The following RNF130 variants were observed in gnomAD, a reference collection of about 807,000 sequenced individuals.
RNF130 encodes the protein E3 ubiquitin-protein ligase RNF130.
RNF130 carries 21 observed loss-of-function variants against 44.6 expected under a neutral mutation model. The observed-to-expected ratio is 0.47, with a 90% confidence interval of 0.33 to 0.68. RNF130 has a LOEUF of 0.68. RNF130 is among the 30% of genes least tolerant of loss of function. RNF130 has a pLI of 0.02. For missense variants in RNF130, 479 were observed against 560.6 expected (o/e 0.85, Z 1.47); for synonymous variants, 214 against 210.4 (o/e 1.02, Z -0.15).
At chr5:180,067,898 T>G (rs1765143484) in intron 1 of RNF130, among the ~76,000 whole-genome samples, 1 of 152,214 alleles carries the variant, frequency 6.6e-6, no homozygotes, top group Admixed American at 6.5e-5. Flanking sequence ...AAAACCGATT[T>G]CAGATTCATT....
intron 3 of RNF130, among the ~76,000 whole-genome samples, chr5:180,003,266 T>C (rs248317): frequency 0.47 from 71,827 of 151,902 alleles, 18,114 homozygotes; most frequent in African/African-American, 0.67. Flanking sequence ...GGCTCGGTGA[T>C]GAGCCGTGTG....
At chr5:179,952,707 C>T (rs73342292), downstream of RNF130, among the ~76,000 whole-genome samples, 16 of 152,226 alleles carry the variant, frequency 1.1e-4, no homozygotes, top group African/African-American at 3.6e-4. Flanking sequence ...TGTAATGCAC[C>T]ACATTCATAG....
At chr5:179,965,213 A>G (rs1267556077) in intron 7 of RNF130, among the ~76,000 whole-genome samples, 1 of 152,320 alleles carries the variant, frequency 6.6e-6, no homozygotes, top group African/African-American at 2.4e-5. Context: ...ATATGCTGGC[A>G]GCATTTCCAC....
intron 3 of RNF130, among the ~76,000 whole-genome samples, chr5:180,005,798 T>C (rs1763452091): frequency 6.6e-6 from 1 of 152,228 alleles, no homozygotes; most frequent in African/African-American, 2.4e-5. Context: ...TGACTGCATC[T>C]GTCATTGCAA....
chr5:179,934,379 C>T (rs964394685), intron 7 of RNF130, among the ~76,000 whole-genome samples: 2 of 152,120 alleles, frequency 1.3e-5, no homozygotes, highest in South Asian at 2.1e-4. Flanking sequence ...TACTTCTTTG[C>T]ACCTTATGAT....
rs113842479 is a variant in RNF130 at position 180,016,908 on chromosome 5, C to T, written c.443-3597G>A. Among the ~76,000 whole-genome samples, 7 of 152,348 alleles carry T rather than the reference C, an allele frequency of 4.6e-5. 1 individual carries two copies. Among genetic ancestry groups the T allele is most frequent in the African/African-American group, 1.7e-4 (7 of 41,584 alleles). On this transcript the variant is annotated intron_variant, in intron 2 of 8. Transcript: ENST00000521389. ...TCCACGGTCCCTCCTAAGAACAAGG[C>T]TAGCTACGTGGCCACAATTCATTTA... is the stretch of plus-strand genomic sequence containing the variant.
chr5:180,001,635 T>C (rs1399354157), intron 3 of RNF130, among the ~76,000 whole-genome samples: 1 of 152,050 alleles, frequency 6.6e-6, no homozygotes, highest in Non-Finnish European at 1.5e-5. Context: ...TTAGGTCCCA[T>C]GGAATGAAGC....
intron 2 of RNF130, among the ~76,000 whole-genome samples, chr5:180,019,974 G>A (rs574215221): frequency 3.9e-5 from 6 of 152,320 alleles, no homozygotes; most frequent in East Asian, 1.9e-4. Context: ...TGGGCAGGAC[G>A]GAGAGGTGAA....
intron 1 of RNF130, among the ~76,000 whole-genome samples, chr5:180,054,214 T>C (rs1764752430): frequency 6.6e-6 from 1 of 152,234 alleles, no homozygotes; most frequent in Admixed American, 6.5e-5. Context: ...GTTTCTTCAA[T>C]TAATCACTCA....
chr5:179,935,501 A>C (rs1201359537), intron 7 of RNF130, among the ~76,000 whole-genome samples: 1 of 143,768 alleles, frequency 7.0e-6, no homozygotes, highest in Non-Finnish European at 1.5e-5. Flanking sequence ...CTTTTCATTA[A>C]AGATATGTCA....
At chr5:180,011,631 G>A (rs771992161) in intron 3 of RNF130, among the ~76,000 whole-genome samples, 1 of 152,124 alleles carries the variant, frequency 6.6e-6, no homozygotes, top group South Asian at 2.1e-4. Context: ...GCCAGTCATG[G>A]TGGTGCATAC....
At position 179,927,590 on chromosome 5, in the gene RNF130, T is replaced by TC. The variant is rs1193910722; in HGVS notation, c.1151-7165_1151-7164insG. On this transcript the variant is annotated intron_variant, in intron 7 of 7. Coordinates refer to the RNF130 transcript ENST00000522208. Reference sequence around the variant, plus strand: ...TCCCACACAGTTTAGCTTTGTCTTTTTTTTTTTTTTTTTTTTGAGATGGAG... The same window carrying TC: ...TCCCACACAGTTTAGCTTTGTCTTTTCTTTTTTTTTTTTTTTTGAGATGGAG... 2.5e-3 allele frequency among the ~76,000 whole-genome samples: 368 copies of TC among 146,756 alleles called. 1 individual carries two copies. Among genetic ancestry groups the TC allele is most frequent in the African/African-American group, 9.0e-3 (360 of 39,924 alleles).
At chr5:180,028,423 C>T (rs1275724024) in intron 2 of RNF130, among the ~76,000 whole-genome samples, 1 of 152,174 alleles carries the variant, frequency 6.6e-6, no homozygotes, top group Non-Finnish European at 1.5e-5. Flanking sequence ...CCGACTCCCT[C>T]TCCTCTCACC....
intron 1 of RNF130, among the ~76,000 whole-genome samples, chr5:180,057,128 C>T (rs1362000245): frequency 6.6e-6 from 1 of 152,194 alleles, no homozygotes; most frequent in Non-Finnish European, 1.5e-5. Context: ...GGTCTGGTTG[C>T]CAGAGGAACC....
chr5:179,994,772 A>C (rs968721222), intron 3 of RNF130, among the ~76,000 whole-genome samples: 2 of 152,228 alleles, frequency 1.3e-5, no homozygotes, highest in African/African-American at 4.8e-5. Context: ...TTATGTAAGC[A>C]GATGTTGTAA....
At chr5:180,049,169 A>G (rs1258891789) in intron 1 of RNF130, among the ~76,000 whole-genome samples, 2 of 152,224 alleles carry the variant, frequency 1.3e-5, no homozygotes, top group African/African-American at 2.4e-5. Flanking sequence ...ACAAAACCCA[A>G]AAAGAAAGCT....
At chr5:179,987,381 C>G (rs1341088408) in intron 3 of RNF130, among the ~76,000 whole-genome samples, 1 of 152,198 alleles carries the variant, frequency 6.6e-6, no homozygotes, top group Non-Finnish European at 1.5e-5. Context: ...ATTGCCCAGG[C>G]TGGTCTTGAA....
At chr5:179,932,768 G>A (rs956565771) in intron 7 of RNF130, among the ~76,000 whole-genome samples, 5 of 151,828 alleles carry the variant, frequency 3.3e-5, no homozygotes, top group Admixed American at 6.6e-5. Flanking sequence ...CCTGGGAGGC[G>A]GGGATTGCAG....
intron 3 of RNF130, among the ~76,000 whole-genome samples, chr5:180,007,097 C>T (rs996054546): frequency 6.6e-6 from 1 of 152,150 alleles, no homozygotes; most frequent in African/African-American, 2.4e-5. Context: ...GGAAGAACTG[C>T]TTCATGATAA....
Sources: gnomAD v4.1 joint callset for allele counts (sites outside exome capture counted in the v4.1 genomes callset) on GRCh38, gnomAD v4.1.1 for gene constraint, MANE v1.5 for transcripts, NCBI Gene and HGNC (gene_info 2026-07-23, HGNC 2026-07-21) for gene names.